Variants in PCBP3 observed in about 807,000 individuals in gnomAD.
The protein encoded by PCBP3 is poly(rC)-binding protein 3.
In PCBP3, 25 loss-of-function variants were observed where a neutral mutation model predicts 52.7. The observed-to-expected ratio is 0.47, with a 90% CI of 0.35 to 0.66. The LOEUF is 0.66. Ranked by LOEUF, PCBP3 falls within the 30% of genes least tolerant of loss-of-function variation. PCBP3 has a pLI of 0.01. For missense variants in PCBP3, 391 were observed against 490.3 expected (o/e 0.80, Z 1.91); for synonymous variants, 162 against 183.0 (o/e 0.89, Z 0.93).
At chr21:45,729,367 A>C (rs151178584) in intron 2 of PCBP3, among the ~76,000 whole-genome samples, 2 of 152,338 alleles carry the variant, frequency 1.3e-5, no homozygotes, top group East Asian at 3.9e-4. Flanking sequence ...TGTTATGAAC[A>C]AGTATCTGCT....
chr21:45,762,486 C>CTTTTTTTTTTTTT (rs1401689005), intron 4 of PCBP3: 47 of 95,240 alleles, frequency 4.9e-4, no homozygotes, highest in African/African-American at 1.5e-3. Context: ...CTTTTCTTTT[C>CTTTTTTTTTTTTT]TTCTCTTTTT....
chr21:45,923,331 G>C (rs917446024), intron 13 of PCBP3, among the ~76,000 whole-genome samples: 12 of 152,212 alleles, frequency 7.9e-5, no homozygotes, highest in African/African-American at 2.9e-4. Context: ...CCAAGACCTT[G>C]CAGCTGCAAG....
chr21:45,725,736 T>A (rs1245658619), intron 2 of PCBP3, among the ~76,000 whole-genome samples: 1 of 151,924 alleles, frequency 6.6e-6, no homozygotes, highest in Non-Finnish European at 1.5e-5. Context: ...CAGGAGTGGC[T>A]GAGGGGCTGC....
intron 5 of PCBP3, among the ~76,000 whole-genome samples, chr21:45,891,645 C>T (rs1383996960): frequency 6.6e-6 from 1 of 152,102 alleles, no homozygotes. Context: ...TGTGGGACAC[C>T]CCAGGGGTAT....
intron 2 of PCBP3, among the ~76,000 whole-genome samples, chr21:45,687,410 G>A (rs2082217929): frequency 6.6e-6 from 1 of 152,178 alleles, no homozygotes; most frequent in African/African-American, 2.4e-5. Context: ...CACTATGATA[G>A]ATATGGATAA....
intron 2 of PCBP3, among the ~76,000 whole-genome samples, chr21:45,705,297 C>T (rs73232726): frequency 6.6e-6 from 1 of 152,276 alleles, no homozygotes; most frequent in Non-Finnish European, 1.5e-5. Flanking sequence ...GAGGCCCCAC[C>T]CTTGTGAGCA....
chr21:45,740,323 C>T (rs901794210), intron 3 of PCBP3, among the ~76,000 whole-genome samples: 2 of 152,336 alleles, frequency 1.3e-5, no homozygotes, highest in African/African-American at 4.8e-5. Flanking sequence ...TGGCAGGTCA[C>T]TTCTGTTAGC....
rs958401843 is a variant in PCBP3 at position 45,837,072 on chromosome 21, T to C, written c.-125-12889T>C. Among the ~76,000 whole-genome samples, 15 of 152,368 alleles carry C rather than the reference T, an allele frequency of 9.8e-5. No homozygotes were observed. Among genetic ancestry groups the C allele is most frequent in the African/African-American group, 2.6e-4 (11 of 41,584 alleles). ...AGTGGAATTGCTGCATCATAAAGTCTGTGAAAGGTGAACTTTCAGGAACTT... is the reference window on the plus strand; with the variant it reads ...AGTGGAATTGCTGCATCATAAAGTCCGTGAAAGGTGAACTTTCAGGAACTT... On this transcript the variant is annotated intron_variant, in intron 4 of 17. Transcript: ENST00000681687. This position sits in a 1 kb window ranked among gnomAD's most constrained non-coding sequence, Gnocchi z 4.1.
At chr21:45,811,324 G>A (rs1436131394) in intron 4 of PCBP3, among the ~76,000 whole-genome samples, 1 of 152,242 alleles carries the variant, frequency 6.6e-6, no homozygotes, top group Non-Finnish European at 1.5e-5. Context: ...GGCTCACGGG[G>A]AGGACTCACC....
chr21:45,757,220 C>T (rs1428416538), intron 4 of PCBP3, among the ~76,000 whole-genome samples: 1 of 152,202 alleles, frequency 6.6e-6, no homozygotes, highest in Non-Finnish European at 1.5e-5. Flanking sequence ...TACAGCTATC[C>T]AAGTAGGCCT....
intron 5 of PCBP3, among the ~76,000 whole-genome samples, chr21:45,867,136 G>A (rs2094767281): frequency 6.6e-6 from 1 of 152,198 alleles, no homozygotes; most frequent in African/African-American, 2.4e-5. Context: ...AGCGTGTGTG[G>A]CTGTTTAACG....
chr21:45,797,239 G>A (rs2091965453), intron 4 of PCBP3, among the ~76,000 whole-genome samples: 1 of 146,036 alleles, frequency 6.8e-6, no homozygotes, highest in South Asian at 2.2e-4. Flanking sequence ...GAAAGTGAAT[G>A]TGTGCATGGA....
intron 3 of PCBP3, among the ~76,000 whole-genome samples, chr21:45,742,891 G>A (rs1175124297): frequency 6.6e-6 from 1 of 151,990 alleles, no homozygotes; most frequent in African/African-American, 2.4e-5. Flanking sequence ...AAATATTTTG[G>A]TTATTCTTGG....
intron 9 of PCBP3, chr21:45,901,707 A>AACACAGAGAG (rs2096054469): frequency 7.6e-6 from 1 of 131,400 alleles, no homozygotes; most frequent in African/African-American, 4.0e-5. Flanking sequence ...GAGAGAGAGG[A>AACACAGAGAG]AGACAGAGAG....
intron 1 of PCBP3, among the ~76,000 whole-genome samples, chr21:45,662,060 G>C (rs2080428440): frequency 1.3e-5 from 2 of 151,914 alleles, no homozygotes; most frequent in Non-Finnish European, 2.9e-5. Flanking sequence ...ATAGTTTGCA[G>C]ATATTTCTCC....
chr21:45,919,867 G>T (rs557157044), intron 13 of PCBP3, among the ~76,000 whole-genome samples: 1 of 152,374 alleles, frequency 6.6e-6, no homozygotes, highest in Admixed American at 6.5e-5. Flanking sequence ...CCGTGCATGT[G>T]TGTGGCAGGG....
intron 4 of PCBP3, among the ~76,000 whole-genome samples, chr21:45,845,605 G>T (rs1273849510): frequency 2.0e-5 from 3 of 151,240 alleles, no homozygotes; most frequent in African/African-American, 7.3e-5. Context: ...TTTGCCGTGT[G>T]TATGCATGTG....
chr21:45,863,792 G>A (rs980732244), intron 5 of PCBP3, among the ~76,000 whole-genome samples: 6 of 152,204 alleles, frequency 3.9e-5, no homozygotes, highest in African/African-American at 1.2e-4. Flanking sequence ...TGAGCGGTCC[G>A]CGGGCAGGAC....
chr21:45,892,034 C>T (rs909683566), intron 5 of PCBP3, among the ~76,000 whole-genome samples: 12 of 152,208 alleles, frequency 7.9e-5, no homozygotes, highest in Admixed American at 6.5e-4. Flanking sequence ...TCAAAGGCAG[C>T]TGGAGGCTGG....
Sources: allele counts gnomAD v4.1 joint callset (sites outside exome capture counted in the v4.1 genomes callset), GRCh38; gene constraint gnomAD v4.1.1; non-coding constraint Gnocchi (gnomAD v3.1); transcripts MANE v1.5; gene names NCBI Gene and HGNC (gene_info 2026-07-23, HGNC 2026-07-21).